PRKG1: variants seen among roughly 807,000 people sequenced by gnomAD.
The protein encoded by PRKG1 is protein kinase cGMP-dependent 1, also known as cGMP-dependent protein kinase 1.
PRKG1 carries 35 observed loss-of-function variants against 88.1 expected under a neutral mutation model. The observed-to-expected ratio is 0.40, with a 90% CI of 0.30 to 0.53. The LOEUF is 0.53. Among genes scored for constraint, PRKG1 ranks in the 20% least tolerant of loss-of-function variants. PRKG1 has a pLI of 0.59. For synonymous variants in PRKG1, 303 were observed against 292.5 expected (o/e 1.04, Z -0.37); for missense variants, 540 against 839.8 (o/e 0.64, Z 4.41).
At chr10:51,699,411 G>T (rs775257604) in intron 3 of PRKG1, 1 of 1,613,970 alleles carries the variant, frequency 6.2e-7, no homozygotes, top group Admixed American at 1.7e-5. Context: ...TCGTATACCA[G>T]CCGGAAACTG....
chr10:51,172,458 A>T (rs1413291525), intron 2 of PRKG1, among the ~76,000 whole-genome samples: 2 of 152,106 alleles, frequency 1.3e-5, no homozygotes, highest in Non-Finnish European at 1.5e-5. Context: ...CACACAGAAC[A>T]TATTATGAAT....
chr10:51,048,217 T>G (rs1036151681), intron 1 of PRKG1, among the ~76,000 whole-genome samples: 4 of 152,218 alleles, frequency 2.6e-5, no homozygotes, highest in African/African-American at 9.6e-5. Context: ...CTATTTTCCT[T>G]TCTTCCTGTC....
At chr10:51,838,815 A>T (rs1235828508) in intron 4 of PRKG1, among the ~76,000 whole-genome samples, 1 of 152,148 alleles carries the variant, frequency 6.6e-6, no homozygotes, top group Non-Finnish European at 1.5e-5. Context: ...ATGGGAAGTG[A>T]TGGGAAATAA....
At chr10:52,135,959 A>C (rs901588529) in intron 8 of PRKG1, among the ~76,000 whole-genome samples, 2 of 152,094 alleles carry the variant, frequency 1.3e-5, no homozygotes, top group African/African-American at 4.8e-5. Context: ...AAACCAGTGA[A>C]GAATAATGAG....
At chr10:51,121,724 T>G (rs1845265085) in intron 1 of PRKG1, among the ~76,000 whole-genome samples, 1 of 152,174 alleles carries the variant, frequency 6.6e-6, no homozygotes, top group South Asian at 2.1e-4. Flanking sequence ...CAAAACTCCT[T>G]GAGAATATGC....
At chr10:51,090,779 A>G (rs532416425) in intron 1 of PRKG1, among the ~76,000 whole-genome samples, 1 of 152,304 alleles carries the variant, frequency 6.6e-6, no homozygotes, top group African/African-American at 2.4e-5. Context: ...TGAAGGTTTT[A>G]AAGACCCACT....
At chr10:51,767,627 AT>A (rs563748213) in intron 3 of PRKG1, among the ~76,000 whole-genome samples, 7,207 of 148,756 alleles carry the variant, frequency 0.048, 544 homozygotes, top group African/African-American at 0.16. Context: ...TAGCTTTTGA[AT>A]TTTTTTTTTT....
intron 4 of PRKG1, among the ~76,000 whole-genome samples, chr10:51,831,005 C>T (rs1183278952): frequency 1.3e-5 from 2 of 151,898 alleles, no homozygotes; most frequent in Non-Finnish European, 2.9e-5. Context: ...TTAACCTCTA[C>T]TCATCTAAAA....
chr10:51,381,600 A>C (rs543154825), intron 2 of PRKG1, among the ~76,000 whole-genome samples: 1 of 152,302 alleles, frequency 6.6e-6, no homozygotes, highest in Non-Finnish European at 1.5e-5. Context: ...GAGCCAATGA[A>C]ATTTTTTCTA....
rs199642431 is a variant in PRKG1 at position 52,018,031 on chromosome 10, A to ATCG, written c.763-36453_763-36452insTCG. On this transcript the variant is annotated intron_variant, in intron 5 of 17. Transcript: ENST00000373980. ...TTCCAGTGTAAGCATCGATTTGCCT[A>ATCG]ATTACGCAGTATTTTTTGGCCATCC... Among the ~76,000 whole-genome samples, 1,492 of 152,278 alleles carry ATCG rather than the reference A, an allele frequency of 9.8e-3. 25 individuals carry two copies. Among genetic ancestry groups the ATCG allele is most frequent in the African/African-American group, 0.034 (1,423 of 41,544 alleles).
intron 1 of PRKG1, among the ~76,000 whole-genome samples, chr10:51,102,843 TAC>T (rs1250238322): frequency 1.3e-5 from 2 of 151,794 alleles, no homozygotes; most frequent in African/African-American, 4.8e-5. Flanking sequence ...CACACACACA[TAC>T]ACACACACAG....
chr10:51,921,860 G>A (rs897896387), intron 5 of PRKG1, among the ~76,000 whole-genome samples: 2 of 151,854 alleles, frequency 1.3e-5, no homozygotes, highest in African/African-American at 2.4e-5. Flanking sequence ...GAGAGATGTC[G>A]GTCAGTAGTT....
chr10:51,469,262 A>G (rs1839984288), intron 3 of PRKG1, among the ~76,000 whole-genome samples: 2 of 151,902 alleles, frequency 1.3e-5, no homozygotes, highest in African/African-American at 4.8e-5. Flanking sequence ...AGACCAGAAT[A>G]GCATATTTTG....
At chr10:51,554,619 T>C (rs1589075302) in intron 3 of PRKG1, among the ~76,000 whole-genome samples, 1 of 151,432 alleles carries the variant, frequency 6.6e-6, no homozygotes, top group Non-Finnish European at 1.5e-5. Flanking sequence ...TAGTAGCTGG[T>C]GCATTTTTCA....
intron 7 of PRKG1, among the ~76,000 whole-genome samples, chr10:52,084,913 C>A (rs562335405): frequency 6.6e-6 from 1 of 152,000 alleles, no homozygotes; most frequent in Admixed American, 6.6e-5. Flanking sequence ...CTTTCTTTGT[C>A]TTGGTGCAGA....
At chr10:52,036,150 A>C (rs1263526045) in intron 5 of PRKG1, among the ~76,000 whole-genome samples, 2 of 152,072 alleles carry the variant, frequency 1.3e-5, no homozygotes. Context: ...AGTACAGCCT[A>C]GGTAACTTGC....
chr10:51,093,614 A>G (rs941415990), intron 1 of PRKG1, among the ~76,000 whole-genome samples: 1 of 150,194 alleles, frequency 6.7e-6, no homozygotes, highest in Non-Finnish European at 1.5e-5. Context: ...TGTTTTTTTA[A>G]TTATTACTTC....
rs149675189 is a variant in PRKG1 at position 51,857,537 on chromosome 10, T to G, written c.699-49970T>G. Among the ~76,000 whole-genome samples the G allele has an allele frequency of 3.2e-3, 489 of 152,308 alleles. 4 individuals carry two copies. The highest frequency in any genetic ancestry group is 6.8e-3 in the Middle Eastern group (2 of 294). On this transcript the variant is annotated intron_variant, in intron 4 of 17. Coordinates refer to ENST00000373980, the MANE Select transcript of PRKG1 (RefSeq NM_006258.4). ...CCACACATGCTAATGAATAAGATTC[T>G]GAGTCCCATACTGTGATTTTCTTTT...
rs569429746 is a variant in PRKG1, at chr10:51,375,764, TTACTATTTTATATAAAGTG to T, written c.479-91958_479-91940del. ...TATGAGTGTTGGTGGTGGGGGGGTG[TTACTATTTTATATAAAGTG>T]ATCAGGGTAGTTCTTATCAGTGGCC... On this transcript the variant is annotated intron_variant, in intron 2 of 17. Transcript: ENST00000373980. 2.6e-4 allele frequency among the ~76,000 whole-genome samples: 37 copies of T among 141,832 alleles called. No homozygotes were observed. The South Asian group carries it at 2.8e-3, about 11-fold the overall frequency. 93.0% of individuals were successfully genotyped at this position (141,832 alleles called of 152,430 possible).
Sources: allele counts gnomAD v4.1 joint callset (sites outside exome capture counted in the v4.1 genomes callset), GRCh38; gene constraint gnomAD v4.1.1; transcripts MANE v1.5; gene names NCBI Gene and HGNC (gene_info 2026-07-23, HGNC 2026-07-21).